SEMA6A: variants seen among roughly 807,000 people sequenced by gnomAD.
SEMA6A encodes semaphorin 6A, also known as semaphorin-6A.
In SEMA6A, 25 loss-of-function variants were observed where a neutral mutation model predicts 96.8. That is an observed-to-expected ratio of 0.26 (90% CI 0.19 to 0.36). The LOEUF is 0.36. Ranked by LOEUF, SEMA6A falls within the 10% of genes least tolerant of loss-of-function variation. The pLI, the probability that SEMA6A is intolerant of heterozygous loss-of-function variation, is 1.00. For missense variants in SEMA6A, 1,363 were observed against 1,323.1 expected, an observed-to-expected ratio of 1.03 and a Z score of -0.47; for synonymous variants, 612 against 518.0, an observed-to-expected ratio of 1.18 and a Z score of -2.46.
In SEMA6A at chr5:116,557,962, C is replaced by T. The variant is rs75171062; in HGVS notation, c.-39+16223G>A. The stretch of plus-strand genomic sequence containing the variant: ...AGATAAATAATCTATAATTTGGTTT[C>T]TCGGCATTATGATACCAACTCAAAT... On this transcript the variant is annotated intron_variant, in intron 1 of 18. Coordinates refer to ENST00000343348, the MANE Select transcript of SEMA6A (RefSeq NM_020796.5). 2.5e-4 allele frequency among the ~76,000 whole-genome samples: 38 copies of T among 152,296 alleles called. No homozygotes were observed. The East Asian group carries it at 6.7e-3, about 27-fold the overall frequency.
intron 15 of SEMA6A, among the ~76,000 whole-genome samples, 189 bp downstream of exon 15, chr5:116,477,657 G>C (rs1756524422): frequency 6.6e-6 from 1 of 152,192 alleles, no homozygotes; most frequent in African/African-American, 2.4e-5. Context: ...TAATCAATTG[G>C]AAATCTGCCA....
chr5:116,478,073 G>C lies in SEMA6A; in HGVS notation c.1509C>G (p.Phe503Leu). 1 of 1,613,976 alleles carries C rather than the reference G, an allele frequency of 6.2e-7. No individual in the cohort carries two copies. The highest frequency in any genetic ancestry group is 8.5e-7 in the Non-Finnish European group (1 of 1,179,870). The change falls in exon 14 of 19, where the codon TTC becomes TTG. Residue 503 changes from phenylalanine to leucine, a missense_variant. Phe to Leu is a conservative substitution (Grantham distance 22, BLOSUM62 0). Coordinates refer to ENST00000343348, the MANE Select transcript of SEMA6A (RefSeq NM_020796.5). The part of the protein sequence containing the change: ...DRASSSLYVA[F>L]STCVIKVPLG... ...GGGGAACCTTTATCACACAGGTAGA[G>C]AACGCAACATACAGAGAGCTGCTTG...
In SEMA6A at chr5:116,447,251, G is replaced by T; in HGVS notation, c.2455C>A (p.Pro819Thr). Residue 819 changes from proline (P) to threonine (T), a missense_variant, in exon 19 of 19, where the codon CCC (proline) becomes ACC (threonine). Physicochemically the swap from Pro to Thr is conservative, Grantham distance 38. This residue lies in a region of SEMA6A where 883 missense variants were observed against 763.6 expected (regional missense o/e 1.16). Coordinates refer to ENST00000343348, the MANE Select transcript of SEMA6A (RefSeq NM_020796.5). ...PSHIPSVVVL[P>T]ITQQGYQHEY... is the part of the protein sequence containing the mutation. The stretch of plus-strand genomic sequence containing the variant: ...TGCTGGTAGCCCTGCTGCGTGATGG[G>T]CAGGACCACCACGCTGGGGATGTGG... 1 of 1,613,962 alleles carries T rather than the reference G, an allele frequency of 6.2e-7. No individual in the cohort carries two copies. The highest frequency in any genetic ancestry group is 1.7e-5 in the Admixed American group (1 of 60,034).
intron 1 of SEMA6A, among the ~76,000 whole-genome samples, chr5:116,573,224 C>T (rs1235013575): frequency 6.6e-6 from 1 of 152,220 alleles, no homozygotes; most frequent in African/African-American, 2.4e-5. Context: ...CCCTAGGACA[C>T]AGTGAGGAGT....
intron 18 of SEMA6A, among the ~76,000 whole-genome samples, chr5:116,460,379 A>C (rs548483749): frequency 6.6e-6 from 1 of 152,290 alleles, no homozygotes; most frequent in East Asian, 1.9e-4. Context: ...TTTTTTCTTA[A>C]ACATATCAGA....
chr5:116,529,541 TTAAAA>T (rs942863212), intron 1 of SEMA6A, among the ~76,000 whole-genome samples: 1 of 151,994 alleles, frequency 6.6e-6, no homozygotes, highest in Non-Finnish European at 1.5e-5. Context: ...ATGTGACAAT[TTAAAA>T]TAATAATAAA....
At chr5:116,464,994 G>T (rs1016641268) in intron 18 of SEMA6A, among the ~76,000 whole-genome samples, 8 of 152,154 alleles carry the variant, frequency 5.3e-5, no homozygotes, top group African/African-American at 1.9e-4. Flanking sequence ...ATGGATTTTA[G>T]AAACAATTCC....
chr5:116,449,596 A>G (rs1754497319), intron 18 of SEMA6A: 1 of 477,156 alleles, frequency 2.1e-6, no homozygotes, highest in Admixed American at 3.8e-5. Context: ...CTTAGCCTGA[A>G]AAGTACATTC....
At chr5:116,512,129 C>T (rs1758431070) in intron 1 of SEMA6A, among the ~76,000 whole-genome samples, 1 of 152,128 alleles carries the variant, frequency 6.6e-6, no homozygotes, top group Admixed American at 6.6e-5. Flanking sequence ...GTTTCAAGGA[C>T]CGCAGCATTA....
intron 1 of SEMA6A, among the ~76,000 whole-genome samples, chr5:116,540,457 G>A (rs970058668): frequency 2.0e-5 from 3 of 152,192 alleles, no homozygotes; most frequent in African/African-American, 7.2e-5. Flanking sequence ...AAGATCCCTT[G>A]ATTTCTGGCT....
intron 15 of SEMA6A, among the ~76,000 whole-genome samples, chr5:116,476,159 C>T (rs1756437327): frequency 6.6e-6 from 1 of 152,128 alleles, no homozygotes; most frequent in Admixed American, 6.5e-5. Context: ...AGCCCTGCCC[C>T]AGTCCTTGGG....
At chr5:116,519,737 CTG>C (rs1053531202) in intron 1 of SEMA6A, among the ~76,000 whole-genome samples, 102 of 152,154 alleles carry the variant, frequency 6.7e-4, no homozygotes, top group African/African-American at 2.3e-3. Flanking sequence ...ACATAAAACA[CTG>C]TGAGTTAAGA....
chr5:116,556,432 G>C (rs1033400413), intron 1 of SEMA6A, among the ~76,000 whole-genome samples: 5 of 152,104 alleles, frequency 3.3e-5, no homozygotes, highest in African/African-American at 1.2e-4. Context: ...AGGAGGGTTT[G>C]GTGTCAAATA....
chr5:116,468,205 C>G (rs766799915), intron 17 of SEMA6A: 1 of 157,924 alleles, frequency 6.3e-6, no homozygotes, highest in East Asian at 1.9e-4. Flanking sequence ...CATTTGTGAC[C>G]GATGGGGCAG....
intron 11 of SEMA6A, among the ~76,000 whole-genome samples, chr5:116,480,681 G>T (rs532200320): frequency 6.6e-6 from 1 of 151,880 alleles, no homozygotes; most frequent in Non-Finnish European, 1.5e-5. Context: ...TTAGGTTGAC[G>T]TTTTCGCAAG....
intron 11 of SEMA6A, among the ~76,000 whole-genome samples, chr5:116,481,003 C>G (rs1002282940): frequency 1.3e-5 from 2 of 152,076 alleles, no homozygotes; most frequent in African/African-American, 4.8e-5. Context: ...TGTCCAGACA[C>G]CTGGTTTGCC....
intron 1 of SEMA6A, among the ~76,000 whole-genome samples, chr5:116,551,835 C>T (rs1446734924): frequency 6.6e-6 from 1 of 152,212 alleles, no homozygotes; most frequent in Non-Finnish European, 1.5e-5. Context: ...GCTACAACAA[C>T]ATCAATAATC....
At chr5:116,535,436 T>C (rs905701072) in intron 1 of SEMA6A, among the ~76,000 whole-genome samples, 4 of 152,082 alleles carry the variant, frequency 2.6e-5, no homozygotes, top group Admixed American at 1.3e-4. Flanking sequence ...CATGAGGAGG[T>C]TGCAGTAAGC....
intron 17 of SEMA6A, among the ~76,000 whole-genome samples, chr5:116,470,374 T>C (rs1482835771): frequency 3.3e-5 from 5 of 152,240 alleles, no homozygotes; most frequent in African/African-American, 9.6e-5. Context: ...TATTTTTGTC[T>C]TATCAGTCCA....
Sources: gnomAD v4.1 joint callset for allele counts (sites outside exome capture counted in the v4.1 genomes callset) on GRCh38, gnomAD v4.1.1 for gene constraint, gnomAD v4.1.1 regional missense constraint, MANE v1.5 for transcripts, NCBI Gene and HGNC (gene_info 2026-07-23, HGNC 2026-07-21) for gene names.